RAB38: variants seen among roughly 807,000 people sequenced by gnomAD.
RAB38 encodes the protein RAB38, member RAS oncogene family.
Under a neutral mutation model 18.4 loss-of-function variants are expected in RAB38, and 15 were observed. The ratio of observed to expected loss-of-function variants is 0.82; its 90% CI spans 0.55 to 1.26. The LOEUF (loss-of-function observed/expected upper bound fraction) is 1.26, where lower values mean the gene tolerates loss of function less well. Among genes scored for constraint, RAB38 ranks in the 50% most tolerant of loss-of-function variants. The pLI is 0.00. For synonymous variants in RAB38, 101 were observed against 104.4 expected, an observed-to-expected ratio of 0.97 and a Z score of 0.20; for missense variants, 294 against 267.4, an observed-to-expected ratio of 1.10 and a Z score of -0.69.
the RAB38 span, among the ~76,000 whole-genome samples, chr11:87,937,489 T>G: frequency 2.0e-5 from 3 of 151,720 alleles, no homozygotes; most frequent in African/African-American, 7.3e-5. Flanking sequence ...TTCATCCTCT[T>G]CTATTTTCTG....
the RAB38 span, among the ~76,000 whole-genome samples, chr11:88,095,398 CTCTCAG>C: frequency 1.6e-3 from 247 of 151,936 alleles, 1 homozygote; most frequent in African/African-American, 5.5e-3. Context: ...AGTCCTCATC[CTCTCAG>C]TCTATCAGCA....
At chr11:87,809,886 TGAC>T in the RAB38 span, among the ~76,000 whole-genome samples, 1 of 152,158 alleles carries the variant, frequency 6.6e-6, no homozygotes, top group African/African-American at 2.4e-5. Context: ...TAGAAAAGAT[TGAC>T]ATTAGATTTA....
the RAB38 span, among the ~76,000 whole-genome samples, chr11:88,070,042 G>A: frequency 1.3e-5 from 2 of 152,176 alleles, no homozygotes; most frequent in Non-Finnish European, 2.9e-5. Context: ...GTCAGCAGAG[G>A]CAACCTGCTC....
intron 2 of RAB38, among the ~76,000 whole-genome samples, chr11:88,126,869 A>G (rs577485011): frequency 6.6e-6 from 1 of 152,194 alleles, no homozygotes; most frequent in Non-Finnish European, 1.5e-5. Flanking sequence ...ATAAAGTGAG[A>G]GGAGATATAT....
At chr11:88,050,278 T>C in the RAB38 span, 1 of 152,214 alleles carries the variant, frequency 6.6e-6, no homozygotes, top group Non-Finnish European at 1.5e-5. Flanking sequence ...TCTGATGATT[T>C]CCTCAAAATA....
At chr11:87,934,791 G>A in the RAB38 span, among the ~76,000 whole-genome samples, 1 of 152,042 alleles carries the variant, frequency 6.6e-6, no homozygotes, top group African/African-American at 2.4e-5. Context: ...ACAAAGGTTT[G>A]GTTTAAAATA....
chr11:87,805,192 G>A, the RAB38 span, among the ~76,000 whole-genome samples: 7 of 152,104 alleles, frequency 4.6e-5, no homozygotes, highest in South Asian at 1.2e-3. Flanking sequence ...GAGCCTGCTT[G>A]GTAACATTTT....
the RAB38 span, among the ~76,000 whole-genome samples, chr11:87,956,522 A>C: frequency 6.6e-6 from 1 of 151,988 alleles, no homozygotes; most frequent in Admixed American, 6.6e-5. Flanking sequence ...CAGATGCCAT[A>C]GTAGGAGATG....
chr11:87,905,019 G>T, the RAB38 span, among the ~76,000 whole-genome samples: 6 of 151,390 alleles, frequency 4.0e-5, no homozygotes, highest in African/African-American at 1.5e-4. Flanking sequence ...CCAATTTTAG[G>T]TATATTTTAC....
At chr11:87,822,834 A>G in the RAB38 span, among the ~76,000 whole-genome samples, 1 of 152,214 alleles carries the variant, frequency 6.6e-6, no homozygotes, top group Admixed American at 6.5e-5. Flanking sequence ...TTAACAGGAC[A>G]CATCTAAAAC....
chr11:88,033,800 T>C, the RAB38 span, among the ~76,000 whole-genome samples: 1 of 143,244 alleles, frequency 7.0e-6, no homozygotes, highest in African/African-American at 2.6e-5. Context: ...CAATCTCAGC[T>C]GACTGCAAGC....
intron 1 of RAB38, among the ~76,000 whole-genome samples, chr11:88,174,945 G>A (rs1437158471): frequency 6.6e-6 from 1 of 152,264 alleles, no homozygotes; most frequent in African/African-American, 2.4e-5. Flanking sequence ...GCTCTGGGCA[G>A]AGAGATCCCA....
At chr11:88,152,881 C>T (rs1233371141) in intron 1 of RAB38, among the ~76,000 whole-genome samples, 1 of 152,074 alleles carries the variant, frequency 6.6e-6, no homozygotes, top group Non-Finnish European at 1.5e-5. Context: ...CAGTTTTTGC[C>T]CAGGAGGAAT....
the RAB38 span, among the ~76,000 whole-genome samples, chr11:87,849,647 C>CT: frequency 1.3e-5 from 2 of 152,048 alleles, no homozygotes; most frequent in African/African-American, 4.8e-5. Context: ...GGGTGTTGTC[C>CT]TTTTCTGCCA....
At chr11:88,156,057 G>A (rs1392705699) in intron 1 of RAB38, among the ~76,000 whole-genome samples, 1 of 152,100 alleles carries the variant, frequency 6.6e-6, no homozygotes, top group Non-Finnish European at 1.5e-5. Context: ...CAAATTATTG[G>A]CATTCCTGAG....
intron 2 of RAB38, 145 bp from the exon 3 acceptor site, chr11:88,114,285 G>T (rs1942518414): frequency 1.1e-6 from 1 of 871,906 alleles, no homozygotes; most frequent in South Asian, 1.9e-5. Flanking sequence ...ACTCTTATTT[G>T]TTCCTTCAAA....
At chr11:88,060,946 A>C in the RAB38 span, among the ~76,000 whole-genome samples, 1 of 152,182 alleles carries the variant, frequency 6.6e-6, no homozygotes, top group Non-Finnish European at 1.5e-5. Flanking sequence ...ACCTTTAAGG[A>C]GTTTAATAAA....
the RAB38 span, among the ~76,000 whole-genome samples, chr11:88,014,535 G>A: frequency 2.0e-5 from 3 of 152,126 alleles, no homozygotes; most frequent in Non-Finnish European, 4.4e-5. Context: ...GAGATTAGAA[G>A]ACAGATCTAT....
At chr11:88,060,754 C>G in the RAB38 span, among the ~76,000 whole-genome samples, 1 of 152,310 alleles carries the variant, frequency 6.6e-6, no homozygotes, top group East Asian at 1.9e-4. Context: ...GCACCACCCC[C>G]AGTTGTAACA....
Sources: allele counts gnomAD v4.1 joint callset (sites outside exome capture counted in the v4.1 genomes callset), GRCh38; gene constraint gnomAD v4.1.1; transcripts MANE v1.5; gene names NCBI Gene and HGNC (gene_info 2026-07-23, HGNC 2026-07-21).